AGAP1: variants seen among roughly 807,000 people sequenced by gnomAD.
The protein encoded by AGAP1 is arf-GAP with GTPase, ANK repeat and PH domain-containing protein 1.
AGAP1 carries 29 observed loss-of-function variants against 105.3 expected under a neutral mutation model. The observed-to-expected ratio is 0.28, with a 90% CI of 0.21 to 0.38. The LOEUF (loss-of-function observed/expected upper bound fraction) is 0.38, where lower values mean the gene tolerates loss of function less well. Ranked by LOEUF, AGAP1 falls within the 10% of genes least tolerant of loss-of-function variation. The pLI, the probability that AGAP1 is intolerant of heterozygous loss-of-function variation, is 1.00. For missense variants in AGAP1, 998 were observed against 1,165.1 expected, an observed-to-expected ratio of 0.86 and a Z score of 2.09; for synonymous variants, 509 against 485.9, an observed-to-expected ratio of 1.05 and a Z score of -0.63.
In AGAP1 at chr2:235,603,919, G is replaced by A. The variant is rs185438185; in HGVS notation, c.164-105260G>A. 3.1e-4 allele frequency among the ~76,000 whole-genome samples: 47 copies of A among 152,132 alleles called. 1 individual carries two copies. The highest frequency in any genetic ancestry group is 2.3e-3 in the Admixed American group (35 of 15,286). ...CAGGTTGGTTGACGGGTTGGTTGAC[G>A]GTCTGCAAGTTGCAGTCTTGGCACA... On this transcript the variant is annotated intron_variant, in intron 1 of 17. Transcript: ENST00000304032.
intron 1 of AGAP1, among the ~76,000 whole-genome samples, chr2:235,634,893 G>T (rs978183631): frequency 1.3e-5 from 2 of 152,124 alleles, no homozygotes; most frequent in South Asian, 2.1e-4. Context: ...ATTGGTGTTA[G>T]GATGTGTTTG....
At chr2:235,827,594 C>A (rs1251513262) in intron 9 of AGAP1, among the ~76,000 whole-genome samples, 1 of 152,162 alleles carries the variant, frequency 6.6e-6, no homozygotes, top group Non-Finnish European at 1.5e-5. Flanking sequence ...TTTGCTGCAG[C>A]CCTTGGAAGG....
At chr2:235,925,282 C>G (rs2052391312) in intron 11 of AGAP1, among the ~76,000 whole-genome samples, 1 of 152,182 alleles carries the variant, frequency 6.6e-6, no homozygotes, top group Admixed American at 6.5e-5. Flanking sequence ...TAGGGAAATA[C>G]AGACATGCCT....
intron 1 of AGAP1, among the ~76,000 whole-genome samples, chr2:235,597,428 A>T (rs1574931925): frequency 6.6e-6 from 1 of 151,766 alleles, no homozygotes; most frequent in South Asian, 2.1e-4. Flanking sequence ...CCCAGCAAGC[A>T]CCCCTTGCTT....
At chr2:235,969,837 C>A (rs2054567498) in intron 13 of AGAP1, among the ~76,000 whole-genome samples, 1 of 152,282 alleles carries the variant, frequency 6.6e-6, no homozygotes, top group Non-Finnish European at 1.5e-5. Flanking sequence ...GGGTTAGAAG[C>A]CTTTCTCCTT....
rs1300726223 is a variant in AGAP1 at position 235,904,285 on chromosome 2, A to G, written c.1156-4453A>G. On this transcript the variant is annotated intron_variant, in intron 10 of 17. Transcript: ENST00000304032. This position sits in a 1 kb window ranked among gnomAD's most constrained non-coding sequence, Gnocchi z 4.2. ...GGGTTGCAGGGGGACAGCGAGGCAC[A>G]GTTACCGAGCAATTGGCGGGTTCGG... Among the ~76,000 whole-genome samples, 1 of 152,242 alleles carries G rather than the reference A, an allele frequency of 6.6e-6. No homozygotes were observed. Among genetic ancestry groups the G allele is most frequent in the African/African-American group, 2.4e-5 (1 of 41,470 alleles).
At chr2:235,841,690 T>A (rs1960863713) in intron 9 of AGAP1, among the ~76,000 whole-genome samples, 1 of 152,208 alleles carries the variant, frequency 6.6e-6, no homozygotes, top group Non-Finnish European at 1.5e-5. Flanking sequence ...CCTGTATTTG[T>A]CAAACACTTC....
chr2:236,113,087 T>C lies in AGAP1; in HGVS notation c.2115-7105T>C, dbSNP rs958177758. ...TCTTTTTTCCCACGATTTCCCAAAA[T>C]ACGGCCACCACTCTGCCGTCACGTG... is the stretch of plus-strand genomic sequence containing the variant. On this transcript the variant is annotated intron_variant, in intron 16 of 17. Transcript: ENST00000304032. This position sits in a 1 kb window ranked among gnomAD's most constrained non-coding sequence, Gnocchi z 4.3. 2.0e-5 allele frequency among the ~76,000 whole-genome samples: 3 copies of C among 152,260 alleles called. No individual in the cohort carries two copies. The highest frequency in any genetic ancestry group is 4.4e-5 in the Non-Finnish European group (3 of 68,044).
At position 235,797,815 on chromosome 2, in the gene AGAP1, A is replaced by C; in HGVS notation, c.730A>C (p.Lys244Gln). 1 of 1,614,216 alleles carries C rather than the reference A, an allele frequency of 6.2e-7. No individual in the cohort carries two copies. The highest frequency in any genetic ancestry group is 8.5e-7 in the Non-Finnish European group (1 of 1,180,038). The change falls in exon 7 of 18, where the codon AAG becomes CAG. Residue 244 changes from lysine to glutamine, a missense_variant. Physicochemically the swap from Lys to Gln is moderately conservative, Grantham distance 53. Transcript: ENST00000304032. ...KKQQLSIGPC[K>Q]SLPNSPSHSS... ...GCAGCAGCTGTCCATAGGACCCTGC[A>C]AGTCGCTACCTAATTCTCCCAGCCA...
intron 1 of AGAP1, among the ~76,000 whole-genome samples, chr2:235,540,045 G>A (rs1943382869): frequency 6.6e-6 from 1 of 152,086 alleles, no homozygotes; most frequent in Non-Finnish European, 1.5e-5. Flanking sequence ...TGGTGGGGAA[G>A]GGGTAGGCAG....
chr2:235,921,902 G>T (rs1423360259), intron 11 of AGAP1, among the ~76,000 whole-genome samples: 2 of 152,200 alleles, frequency 1.3e-5, no homozygotes, highest in African/African-American at 4.8e-5. Flanking sequence ...AAATACAGGA[G>T]CGAATGGGCC....
At chr2:235,770,133 CTT>C (rs57008190) in intron 6 of AGAP1, among the ~76,000 whole-genome samples, 4 of 136,642 alleles carry the variant, frequency 2.9e-5, no homozygotes, top group Non-Finnish European at 3.2e-5. Flanking sequence ...TTCTTTGTTT[CTT>C]TTTTTTTTTT....
chr2:236,022,783 C>G (rs966708458), intron 13 of AGAP1, among the ~76,000 whole-genome samples: 1 of 152,214 alleles, frequency 6.6e-6, no homozygotes, highest in Admixed American at 6.5e-5. Flanking sequence ...GATCCGCCCC[C>G]ACCCCAGGCC....
chr2:235,964,131 G>A lies in AGAP1; in HGVS notation c.1484-4331G>A, dbSNP rs1034264460. ...GCAGAAGGTCCTAACTGTGGGCTCC[G>A]TGGGAGTGTAGAGATGAGAAATGTT... On this transcript the variant is annotated intron_variant, in intron 12 of 17. Transcript: ENST00000304032. The surrounding 1 kb of genome is among the most constrained non-coding windows in gnomAD (Gnocchi z 4.6). 2.0e-5 allele frequency among the ~76,000 whole-genome samples: 3 copies of A among 152,124 alleles called. No individual in the cohort carries two copies. Among genetic ancestry groups the A allele is most frequent in the Admixed American group, 1.3e-4 (2 of 15,272 alleles).
intron 1 of AGAP1, among the ~76,000 whole-genome samples, chr2:235,522,856 TG>T (rs1942674861): frequency 6.6e-6 from 1 of 152,166 alleles, no homozygotes; most frequent in Admixed American, 6.5e-5. Context: ...GGGCAACCTG[TG>T]GGCAGAAGAG....
In AGAP1 at chr2:235,641,374, C is replaced by G. The variant is rs1308235712; in HGVS notation, c.164-67805C>G. On this transcript the variant is annotated intron_variant, in intron 1 of 17. Coordinates refer to ENST00000304032, the MANE Select transcript of AGAP1 (RefSeq NM_001037131.3). ...TTCCTTTTTTTTTTTTTTTAAGTGT[C>G]CTGGTTGTGTTAGGGTAATTTGTGA... is the stretch of plus-strand genomic sequence containing the variant. Among the ~76,000 whole-genome samples, 3 of 142,448 alleles carry G rather than the reference C, an allele frequency of 2.1e-5. No individual in the cohort carries two copies. The East Asian group carries it at 6.3e-4, about 30-fold the overall frequency. The allele number at this position is 142,448 out of a possible 152,430, so 93.5% of individuals were successfully genotyped here.
chr2:235,512,089 A>G (rs148804827), intron 1 of AGAP1, among the ~76,000 whole-genome samples: 1 of 27,134 alleles, frequency 3.7e-5, no homozygotes. Flanking sequence ...GCGTGTGTGA[A>G]TGTGTGTGTG....
At position 236,121,520 on chromosome 2, in the gene AGAP1, C is replaced by A. The variant is rs1310195219; in HGVS notation, c.2370+1073C>A. On this transcript the variant is annotated intron_variant, in intron 17 of 17. Transcript: ENST00000304032. This position sits in a 1 kb window ranked among gnomAD's most constrained non-coding sequence, Gnocchi z 4.9. ...TTCACCATGTTGGTCAGTCTGGTCT[C>A]GAGCTCCTGACCTCGTGATCCACCC... is the stretch of plus-strand genomic sequence containing the variant. Among the ~76,000 whole-genome samples the A allele has an allele frequency of 6.6e-6, 1 of 151,876 alleles. No homozygotes were observed. The highest frequency in any genetic ancestry group is 1.5e-5 in the Non-Finnish European group (1 of 67,976).
intron 1 of AGAP1, among the ~76,000 whole-genome samples, chr2:235,589,189 GTTTTGTTTTTTTTTTTTTTTTT>G (rs1457875466): frequency 3.6e-5 from 2 of 54,926 alleles, no homozygotes; most frequent in Admixed American, 2.7e-4. Context: ...ATAGCTTATT[GTTTTGTTTTTTTTTTTTTTTTT>G]TTTTTTTTTT....
Sources: gnomAD v4.1 joint callset for allele counts (sites outside exome capture counted in the v4.1 genomes callset) on GRCh38, gnomAD v4.1.1 for gene constraint, Gnocchi (gnomAD v3.1) non-coding constraint, MANE v1.5 for transcripts, NCBI Gene and HGNC (gene_info 2026-07-23, HGNC 2026-07-21) for gene names.